The following UBE2W variants were observed in gnomAD, a reference collection of about 807,000 sequenced individuals.
The protein encoded by UBE2W is ubiquitin-conjugating enzyme E2 W.
UBE2W carries 18 observed loss-of-function variants against 27.2 expected under a neutral mutation model. The ratio of observed to expected loss-of-function variants is 0.66; its 90% CI spans 0.46 to 0.98. UBE2W has a LOEUF of 0.98. Among genes scored for constraint, UBE2W ranks in the 50% least tolerant of loss-of-function variants. UBE2W has a pLI of 0.00. For synonymous variants in UBE2W, 53 were observed against 57.2 expected, an observed-to-expected ratio of 0.93 and a Z score of 0.33; for missense variants, 90 against 180.2, an observed-to-expected ratio of 0.50 and a Z score of 2.87.
chr8:73,801,231 G>A (rs1808628089), intron 5 of UBE2W, among the ~76,000 whole-genome samples: 1 of 152,128 alleles, frequency 6.6e-6, no homozygotes. Flanking sequence ...AGTATTCTTA[G>A]ATGAAAGACT....
At chr8:73,808,819 C>T (rs988588378) in intron 4 of UBE2W, among the ~76,000 whole-genome samples, 1 of 152,038 alleles carries the variant, frequency 6.6e-6, no homozygotes, top group Admixed American at 6.6e-5. Flanking sequence ...ACAAGAAACA[C>T]TAGTAGCAGA....
chr8:73,791,100 T>A lies in UBE2W; in HGVS notation c.*3002A>T, dbSNP rs774297103. The A allele has an allele frequency of 4.1e-6, 4 of 985,052 alleles. No individual in the cohort carries two copies. The highest frequency in any genetic ancestry group is 4.8e-6 in the Non-Finnish European group (4 of 829,618). The allele number at this position is 985,052 out of a possible 1,614,324, so 61.0% of individuals were successfully genotyped here. On this transcript the variant is annotated 3_prime_UTR_variant, in exon 6 of 6. Coordinates refer to ENST00000602593, the MANE Select transcript of UBE2W (RefSeq NM_018299.6). ...TTTCTTCTGGGGATTAAAAATGATT[T>A]ATTTCCCTGCTGGCTAAAATGATAA...
At chr8:73,805,480 A>AAAAAAAAAAAAG (rs56235377) in intron 5 of UBE2W, among the ~76,000 whole-genome samples, 171 bp downstream of exon 5, 1 of 144,588 alleles carries the variant, frequency 6.9e-6, no homozygotes, top group Non-Finnish European at 1.5e-5. Flanking sequence ...AACAAAAAAA[A>AAAAAAAAAAAAG]CTAGGGTAAT....
At chr8:73,813,686 A>G (rs1303068175) in intron 3 of UBE2W, among the ~76,000 whole-genome samples, 1 of 152,096 alleles carries the variant, frequency 6.6e-6, no homozygotes, top group East Asian at 1.9e-4. Flanking sequence ...TTTCTGAAAT[A>G]AAAGGAAATT....
In UBE2W at chr8:73,790,425, GC is replaced by G. The variant is rs1808142845; in HGVS notation, c.*3676del. On this transcript the variant is annotated 3_prime_UTR_variant, in exon 6 of 6. Transcript: ENST00000602593. ...TACTATAACACAGAACAGTATAGTA[GC>G]TGATTCTGATAATGAATCCTCAGAA... The G allele has an allele frequency of 1.0e-6, 1 of 985,170 alleles. No individual in the cohort carries two copies. The highest frequency in any genetic ancestry group is 1.7e-5 in the African/African-American group (1 of 57,210). The allele number at this position is 985,170 out of a possible 1,614,324, so 61.0% of individuals were successfully genotyped here.
At position 73,791,603 on chromosome 8, in the gene UBE2W, G is replaced by A; in HGVS notation, c.*2499C>T. The A allele has an allele frequency of 1.0e-6, 1 of 985,114 alleles. No homozygotes were observed. Among genetic ancestry groups the A allele is most frequent in the East Asian group, 1.1e-4 (1 of 8,810 alleles). 61.0% of individuals were successfully genotyped at this position (985,114 alleles called of 1,614,324 possible). On this transcript the variant is annotated 3_prime_UTR_variant, in exon 6 of 6. Transcript: ENST00000602593. Reference sequence around the variant, plus strand: ...TACAAGCCATTAATTGCTCTCTGTAGAGCAATGACTCAGATAAATGCCTTA... The same window carrying A: ...TACAAGCCATTAATTGCTCTCTGTAAAGCAATGACTCAGATAAATGCCTTA...
At chr8:73,821,506 CAG>C (rs780745867) in intron 3 of UBE2W, among the ~76,000 whole-genome samples, 122 of 92,070 alleles carry the variant, frequency 1.3e-3, no homozygotes, top group South Asian at 2.2e-3. Flanking sequence ...TGGAGTGAGA[CAG>C]AGTGTGTGTG....
At chr8:73,852,792 G>A (rs916540333) in intron 1 of UBE2W, among the ~76,000 whole-genome samples, 1 of 152,156 alleles carries the variant, frequency 6.6e-6, no homozygotes, top group African/African-American at 2.4e-5. Flanking sequence ...CCTTCAAAAG[G>A]TGGGAAGTTT....
intron 5 of UBE2W, among the ~76,000 whole-genome samples, chr8:73,800,334 G>A (rs1440082045): frequency 6.6e-6 from 1 of 152,108 alleles, no homozygotes; most frequent in Non-Finnish European, 1.5e-5. Context: ...GAATGGTGGA[G>A]GGGAATGATT....
At chr8:73,854,344 C>T (rs904579901) in intron 1 of UBE2W, among the ~76,000 whole-genome samples, 2 of 152,044 alleles carry the variant, frequency 1.3e-5, no homozygotes, top group Non-Finnish European at 2.9e-5. Flanking sequence ...TATTGATGCT[C>T]AACTCTTTAC....
chr8:73,859,375 G>A (rs748982970), intron 1 of UBE2W, among the ~76,000 whole-genome samples: 38 of 152,070 alleles, frequency 2.5e-4, no homozygotes, highest in Non-Finnish European at 2.8e-4. Context: ...GCATGGTGGC[G>A]CGAGCCTGTA....
At chr8:73,811,380 A>T (rs1053084782) in intron 3 of UBE2W, among the ~76,000 whole-genome samples, 1 of 152,156 alleles carries the variant, frequency 6.6e-6, no homozygotes, top group Non-Finnish European at 1.5e-5. Flanking sequence ...CAAATATCTT[A>T]AAGTAGTTTT....
In UBE2W at chr8:73,805,705, A is replaced by G; in HGVS notation, c.388T>C (p.Phe130Leu). ...KEKRRPPDNS[F>L]YVRTCNKNPK... ...TTCTTGTTACATGTTCGCACATAAA[A>G]AGAATTATCCGGTGGTCGTCTCTGA... Residue 130 changes from phenylalanine (F) to leucine (L), a missense_variant, in exon 5 of 6, where the codon TTT becomes CTT. Physicochemically the swap from Phe to Leu is conservative, Grantham distance 22. Coordinates refer to ENST00000602593, the MANE Select transcript of UBE2W (RefSeq NM_018299.6). 6.5e-7 allele frequency: 1 copy of G among 1,541,500 alleles called. No individual in the cohort carries two copies. Among genetic ancestry groups the G allele is most frequent in the Non-Finnish European group, 8.8e-7 (1 of 1,137,074 alleles).
At chr8:73,878,781 C>G (rs1355646046) in intron 1 of UBE2W, 27 bp downstream of exon 1, 1 of 1,539,292 alleles carries the variant, frequency 6.5e-7, no homozygotes, top group East Asian at 2.5e-5. Flanking sequence ...CTCCCTGGCC[C>G]GCCCAGATGC....
At chr8:73,831,467 T>C (rs1424662102) in intron 1 of UBE2W, 1 of 155,880 alleles carries the variant, frequency 6.4e-6, no homozygotes, top group African/African-American at 2.4e-5. Flanking sequence ...CATCCTCTGA[T>C]GTTCCAGGAA....
chr8:73,850,391 T>C (rs371832502), intron 1 of UBE2W, among the ~76,000 whole-genome samples: 393 of 152,212 alleles, frequency 2.6e-3, no homozygotes, highest in African/African-American at 8.5e-3. Context: ...TGTAGGTCAA[T>C]ACCCTAAGAG....
chr8:73,838,183 T>G (rs1162360507), intron 1 of UBE2W, among the ~76,000 whole-genome samples: 1 of 152,148 alleles, frequency 6.6e-6, no homozygotes, highest in Non-Finnish European at 1.5e-5. Context: ...TGGCTCGGCT[T>G]TTCAGTGATT....
chr8:73,811,235 C>T (rs952422581), intron 3 of UBE2W, among the ~76,000 whole-genome samples: 11 of 152,242 alleles, frequency 7.2e-5, no homozygotes, highest in Admixed American at 1.3e-4. Flanking sequence ...CCAAGTCTCC[C>T]AATTTGCAGT....
At chr8:73,878,356 A>T (rs1336348762) in intron 1 of UBE2W, among the ~76,000 whole-genome samples, 1 of 152,184 alleles carries the variant, frequency 6.6e-6, no homozygotes. Context: ...TTCTCCGGAG[A>T]CGCATTCTCG....
Sources: allele counts gnomAD v4.1 joint callset (sites outside exome capture counted in the v4.1 genomes callset), GRCh38; gene constraint gnomAD v4.1.1; transcripts MANE v1.5; gene names NCBI Gene and HGNC (gene_info 2026-07-23, HGNC 2026-07-21).